The following ADAM10 variants were observed in gnomAD, a reference collection of about 807,000 sequenced individuals.
ADAM10 encodes the protein disintegrin and metalloproteinase domain-containing protein 10.
A neutral mutation model predicts 90.1 loss-of-function variants in ADAM10; 17 were observed. That is an observed-to-expected ratio of 0.19 (90% CI 0.13 to 0.28). ADAM10 has a LOEUF of 0.28. Ranked by LOEUF, ADAM10 falls within the 10% of genes least tolerant of loss-of-function variation. ADAM10 has a pLI of 1.00. For synonymous variants in ADAM10, 310 were observed against 298.6 expected, an observed-to-expected ratio of 1.04 and a Z score of -0.40; for missense variants, 610 against 914.3, an observed-to-expected ratio of 0.67 and a Z score of 4.29.
intron 5 of ADAM10, among the ~76,000 whole-genome samples, chr15:58,663,268 T>C (rs1897010868): frequency 6.6e-6 from 1 of 152,234 alleles, no homozygotes; most frequent in Admixed American, 6.5e-5. Context: ...TCCAACTTCA[T>C]CTTTTTTCAA....
intron 4 of ADAM10, among the ~76,000 whole-genome samples, chr15:58,677,366 C>T (rs1897322458): frequency 6.6e-6 from 1 of 151,586 alleles, no homozygotes; most frequent in Non-Finnish European, 1.5e-5. Context: ...ATTTAAATGC[C>T]AAAAAGAACA....
intron 5 of ADAM10, among the ~76,000 whole-genome samples, chr15:58,650,850 T>C (rs1171891247): frequency 2.0e-5 from 3 of 152,162 alleles, no homozygotes; most frequent in African/African-American, 7.2e-5. Context: ...TGTTCTCTAC[T>C]TCTTAAAAAC....
intron 1 of ADAM10, among the ~76,000 whole-genome samples, chr15:58,719,478 T>C (rs1898772485): frequency 8.7e-6 from 1 of 115,326 alleles, no homozygotes; most frequent in Non-Finnish European, 2.0e-5. Context: ...AACTAAATTG[T>C]CCTCTTTTAT....
chr15:58,710,299 A>G (rs1199089983), intron 2 of ADAM10, among the ~76,000 whole-genome samples: 4 of 152,350 alleles, frequency 2.6e-5, no homozygotes, highest in African/African-American at 9.6e-5. Flanking sequence ...TTAAAATTAT[A>G]TCTAAGACAC....
chr15:58,719,494 A>AAGT (rs1366011911), intron 1 of ADAM10, among the ~76,000 whole-genome samples: 1 of 22,152 alleles, frequency 4.5e-5, no homozygotes, highest in African/African-American at 9.4e-5. Flanking sequence ...TTTATAAAAC[A>AAGT]AGTTGTCTAA....
At chr15:58,620,331 G>T (rs1167161387) in intron 11 of ADAM10, among the ~76,000 whole-genome samples, 3 of 152,032 alleles carry the variant, frequency 2.0e-5, no homozygotes, top group Non-Finnish European at 4.4e-5. Flanking sequence ...GCCAGGCATG[G>T]AGGCACACAC....
chr15:58,635,582 T>G (rs530508680), intron 8 of ADAM10, among the ~76,000 whole-genome samples: 1 of 152,284 alleles, frequency 6.6e-6, no homozygotes, highest in South Asian at 2.1e-4. Context: ...AGCTCAGTCC[T>G]GAGAAGCACA....
chr15:58,665,710 C>A (rs971762453), intron 4 of ADAM10, among the ~76,000 whole-genome samples: 2 of 152,018 alleles, frequency 1.3e-5, no homozygotes, highest in South Asian at 2.1e-4. Context: ...TAAGACTATT[C>A]TCATAGTAGC....
intron 14 of ADAM10, among the ~76,000 whole-genome samples, chr15:58,602,612 G>C (rs770248183): frequency 6.6e-6 from 1 of 151,832 alleles, no homozygotes; most frequent in African/African-American, 2.4e-5. Flanking sequence ...ATATACATAC[G>C]TACATATATA....
Position 58,597,477 on chromosome 15 carries a change from T to TA in ADAM10, c.*69dup, listed in dbSNP as rs747099779. The TA allele has an allele frequency of 2.5e-5, 41 of 1,611,660 alleles. No homozygotes were observed. The highest frequency in any genetic ancestry group is 3.4e-5 in the Admixed American group (2 of 59,552). ...AGGGTTTAGTTTGGAGATGATGACT[T>TA]AATAGGTTTCTCTTTGGAGTGAAGT... is the stretch of plus-strand genomic sequence containing the variant. On this transcript the variant is annotated 3_prime_UTR_variant, in exon 16 of 16. Transcript: ENST00000260408.
At chr15:58,727,204 TTCC>T (rs1595661107) in intron 1 of ADAM10, among the ~76,000 whole-genome samples, 1 of 125,544 alleles carries the variant, frequency 8.0e-6, no homozygotes, top group East Asian at 2.7e-4. Flanking sequence ...TTTTTTTTTT[TTCC>T]CAAAAACAGC....
chr15:58,744,502 AATC>A (rs1336435081), intron 1 of ADAM10, among the ~76,000 whole-genome samples: 4 of 152,208 alleles, frequency 2.6e-5, no homozygotes, highest in Non-Finnish European at 4.4e-5. Flanking sequence ...TAAAATCCAC[AATC>A]ATCTAGAATA....
rs565442767 is a variant in ADAM10 at position 58,653,398 on chromosome 15, C to T, written c.586-7194G>A. Among the ~76,000 whole-genome samples the T allele has an allele frequency of 4.7e-4, 71 of 152,186 alleles. 2 individuals carry two copies. Among genetic ancestry groups the T allele is most frequent in the Middle Eastern group, 6.8e-3 (2 of 294 alleles). ...TATGTTGAGATACGTACCTTCTATACGCAATTTTTTGAGCATTTTTATCAG... is the reference window on the plus strand; with the variant it reads ...TATGTTGAGATACGTACCTTCTATATGCAATTTTTTGAGCATTTTTATCAG... On this transcript the variant is annotated intron_variant, in intron 5 of 15. Coordinates refer to ENST00000260408, the MANE Select transcript of ADAM10 (RefSeq NM_001110.4).
intron 2 of ADAM10, among the ~76,000 whole-genome samples, chr15:58,682,976 T>A (rs141953220): frequency 4.6e-5 from 7 of 152,290 alleles, no homozygotes; most frequent in Non-Finnish European, 7.4e-5. Context: ...GACAAAAATC[T>A]AGAGTTTAGA....
intron 1 of ADAM10, among the ~76,000 whole-genome samples, chr15:58,724,500 C>A (rs1898964920): frequency 1.3e-5 from 2 of 152,220 alleles, no homozygotes; most frequent in Admixed American, 1.3e-4. Context: ...GCCCAGCTTA[C>A]TGCCTGTAAG....
Position 58,717,640 on chromosome 15 carries a change from C to T in ADAM10, c.143G>A (p.Arg48His), listed in dbSNP as rs1336015995. The T allele has an allele frequency of 3.1e-6, 5 of 1,613,744 alleles. No individual in the cohort carries two copies. Among genetic ancestry groups the T allele is most frequent in the South Asian group, 2.2e-5 (2 of 91,066 alleles). Residue 48 changes from arginine (R) to histidine (H), a missense_variant, in exon 2 of 16, where the codon CGT becomes CAT. By Grantham distance (29) the Arg-to-His change is conservative. Coordinates refer to ENST00000260408, the MANE Select transcript of ADAM10 (RefSeq NM_001110.4). ...TTCATGTGAGACTGCTCTTTTGGCACGCTGGTGTTTTTGGTGTAATGAATC... is the reference window on the plus strand; with the variant it reads ...TTCATGTGAGACTGCTCTTTTGGCATGCTGGTGTTTTTGGTGTAATGAATC... ...NVDSLHQKHQ[R>H]AKRAVSHEDQ...
At chr15:58,717,786 A>G (rs1397991508) in intron 1 of ADAM10, 59 bp from the exon 2 acceptor site, 1 of 1,573,046 alleles carries the variant, frequency 6.4e-7, no homozygotes, top group Non-Finnish European at 8.6e-7. Context: ...TTCTAGTTCT[A>G]ACACGATTAT....
At chr15:58,637,324 C>A (rs1896285041) in intron 8 of ADAM10, among the ~76,000 whole-genome samples, 1 of 152,138 alleles carries the variant, frequency 6.6e-6, no homozygotes, top group African/African-American at 2.4e-5. Context: ...ATTCAACGAC[C>A]AAGCCGAACT....
chr15:58,630,153 C>A (rs1342362315), intron 9 of ADAM10, among the ~76,000 whole-genome samples: 4 of 152,148 alleles, frequency 2.6e-5, no homozygotes, highest in African/African-American at 9.7e-5. Flanking sequence ...ATTTAAATGA[C>A]TGCAGAGCAT....
Sources: gnomAD v4.1 joint callset for allele counts (sites outside exome capture counted in the v4.1 genomes callset) on GRCh38, gnomAD v4.1.1 for gene constraint, MANE v1.5 for transcripts, NCBI Gene and HGNC (gene_info 2026-07-23, HGNC 2026-07-21) for gene names.